The following COG2 variants were observed in gnomAD, a reference collection of about 807,000 sequenced individuals.
COG2 encodes the protein component of oligomeric golgi complex 2, also known as conserved oligomeric Golgi complex subunit 2.
A neutral mutation model predicts 90.6 loss-of-function variants in COG2; 52 were observed. The ratio of observed to expected loss-of-function variants is 0.57; its 90% CI spans 0.46 to 0.72. The LOEUF (loss-of-function observed/expected upper bound fraction) is 0.72, where lower values mean the gene tolerates loss of function less well. COG2 is among the 30% of genes least tolerant of loss of function. COG2 has a pLI of 0.00. For missense variants in COG2, 829 were observed against 891.2 expected (o/e 0.93, Z 0.89); for synonymous variants, 337 against 320.4 (o/e 1.05, Z -0.55).
chr1:230,689,052 C>G (rs1662959589), intron 15 of COG2, among the ~76,000 whole-genome samples: 1 of 152,000 alleles, frequency 6.6e-6, no homozygotes, highest in Non-Finnish European at 1.5e-5. Flanking sequence ...ATAATACATG[C>G]CAAATGTGGT....
In COG2 at chr1:230,690,129, G is replaced by A. The variant is rs1293646057; in HGVS notation, c.1910G>A (p.Gly637Asp). 1.2e-6 allele frequency: 2 copies of A among 1,613,096 alleles called. No homozygotes were observed. The highest frequency in any genetic ancestry group is 1.3e-5 in the African/African-American group (1 of 74,886). Residue 637 changes from glycine to aspartate, a missense_variant, in exon 16 of 18, where the codon GGC becomes GAC. By Grantham distance (94) the Gly-to-Asp change is moderately conservative. Coordinates refer to ENST00000366669, the MANE Select transcript of COG2 (RefSeq NM_007357.3). ...KQAIIQQWLEGTLSESTHKYY... is the reference protein window; with the variant it reads ...KQAIIQQWLEDTLSESTHKYY... ...GCAATAATTCAGCAGTGGCTAGAAG[G>A]CACTCTCAGTGAAAGCACTCATAAG...
At chr1:230,680,000 T>G (rs1304094759) in intron 10 of COG2, 1 of 152,224 alleles carries the variant, frequency 6.6e-6, no homozygotes, top group African/African-American at 2.4e-5. Flanking sequence ...CAGAATGAAG[T>G]AGTAAGGTGC....
At chr1:230,679,898 G>C (rs1298900121) in intron 10 of COG2, 1 of 152,192 alleles carries the variant, frequency 6.6e-6, no homozygotes, top group Non-Finnish European at 1.5e-5. Flanking sequence ...TAATTACAGA[G>C]AGGGAAATCA....
At position 230,642,507 on chromosome 1, in the gene COG2, G is replaced by A. The variant is rs1416258750; in HGVS notation, c.-100G>A. On this transcript the variant is annotated 5_prime_UTR_variant, in exon 1 of 18. Transcript: ENST00000366669. Reference sequence around the variant, plus strand: ...TGTTGGCGGAAGCGGACCCCCCTGTGCCGTGGAAACTGGCGGTGGCCGCGG... The same window carrying A: ...TGTTGGCGGAAGCGGACCCCCCTGTACCGTGGAAACTGGCGGTGGCCGCGG... The A allele has an allele frequency of 1.7e-6, 2 of 1,191,402 alleles. No individual in the cohort carries two copies. Among genetic ancestry groups the A allele is most frequent in the Non-Finnish European group, 1.2e-6 (1 of 827,808 alleles). 73.8% of individuals were successfully genotyped at this position (1,191,402 alleles called of 1,614,324 possible). A position where few individuals can be genotyped will look rare whatever the true frequency, so the allele number is the denominator to read the frequency against.
At chr1:230,645,665 A>G (rs1661752459) in intron 1 of COG2, among the ~76,000 whole-genome samples, 2 of 152,162 alleles carry the variant, frequency 1.3e-5, no homozygotes, top group African/African-American at 4.8e-5. Context: ...TAATTATTAC[A>G]TTGTAATACA....
chr1:230,664,447 C>T, intron 4 of COG2, 37 bp from the exon 5 acceptor site: 3 of 917,882 alleles, frequency 3.3e-6, no homozygotes, highest in Non-Finnish European at 4.9e-6. Context: ...TAAGATTAAA[C>T]ATGACAATAA....
chr1:230,648,063 G>A (rs540506790), intron 1 of COG2, among the ~76,000 whole-genome samples: 60 of 152,312 alleles, frequency 3.9e-4, no homozygotes, highest in Admixed American at 1.1e-3. Context: ...AAATAATCGT[G>A]TCATGCTTTC....
intron 4 of COG2, 99 bp from the exon 5 acceptor site, chr1:230,664,385 T>C (rs1260627497): frequency 4.4e-6 from 2 of 458,608 alleles, no homozygotes; most frequent in East Asian, 7.1e-5. Flanking sequence ...TAATTTTACG[T>C]TGACTTTTGA....
intron 15 of COG2, 39 bp downstream of exon 15, chr1:230,688,601 A>G (rs907500833): frequency 1.2e-6 from 2 of 1,609,534 alleles, no homozygotes; most frequent in Non-Finnish European, 1.7e-6. Context: ...GAGGTGGGGA[A>G]GTGTGTGTTA....
At chr1:230,648,820 C>G (rs145686932) in intron 1 of COG2, among the ~76,000 whole-genome samples, 1 of 152,132 alleles carries the variant, frequency 6.6e-6, no homozygotes, top group African/African-American at 2.4e-5. Context: ...TGGGCTTTCT[C>G]AGGTGTCCCT....
chr1:230,651,107 T>C (rs1372543505), intron 1 of COG2, among the ~76,000 whole-genome samples: 2 of 152,118 alleles, frequency 1.3e-5, no homozygotes, highest in African/African-American at 4.8e-5. Context: ...TCAATGAGAC[T>C]GAACATGTTT....
Position 230,642,619 on chromosome 1 carries a change from A to G in COG2, c.13A>G (p.Arg5Gly), listed in dbSNP as rs1449235135. 6.2e-7 allele frequency: 1 copy of G among 1,612,950 alleles called. No individual in the cohort carries two copies. The highest frequency in any genetic ancestry group is 8.5e-7 in the Non-Finnish European group (1 of 1,179,568). The change falls in exon 1 of 18, where the codon AGG (arginine) becomes GGG (glycine). Residue 5 changes from arginine (R) to glycine (G), a missense_variant. Transcript: ENST00000366669. Reference sequence around the variant, plus strand: ...GGTGGCCGGCGGGATGGAGAAAAGTAGGATGAACCTGCCCAAGGGGCCGGA... The same window carrying G: ...GGTGGCCGGCGGGATGGAGAAAAGTGGGATGAACCTGCCCAAGGGGCCGGA... MEKS[R>G]MNLPKGPDTL...
At chr1:230,651,957 T>C (rs1351783596) in intron 1 of COG2, among the ~76,000 whole-genome samples, 1 of 152,222 alleles carries the variant, frequency 6.6e-6, no homozygotes, top group African/African-American at 2.4e-5. Context: ...TTTCTCCTAG[T>C]AACATCTTGA....
chr1:230,693,195 C>T, intron 17 of COG2, 97 bp from the exon 18 acceptor site: 1 of 694,092 alleles, frequency 1.4e-6, no homozygotes, highest in Non-Finnish European at 2.6e-6. Flanking sequence ...GAACTGTCTT[C>T]TGGTTTAGTA....
intron 5 of COG2, among the ~76,000 whole-genome samples, chr1:230,667,206 C>T (rs139978955): frequency 2.0e-3 from 299 of 152,328 alleles, no homozygotes; most frequent in African/African-American, 6.6e-3. Flanking sequence ...GATAACCAAA[C>T]GTCTCCCACT....
intron 3 of COG2, 27 bp from the exon 4 acceptor site, chr1:230,663,114 A>G (rs771817476): frequency 1.3e-6 from 2 of 1,538,808 alleles, no homozygotes; most frequent in Non-Finnish European, 1.8e-6. Flanking sequence ...CAATCTCTGC[A>G]GTACTTTTTT....
chr1:230,642,522 G>C lies in COG2; in HGVS notation c.-85G>C. The C allele has an allele frequency of 1.4e-6, 2 of 1,383,286 alleles. No individual in the cohort carries two copies. Among genetic ancestry groups the C allele is most frequent in the Non-Finnish European group, 2.0e-6 (2 of 998,498 alleles). The allele number at this position is 1,383,286 out of a possible 1,614,324, so 85.7% of individuals were successfully genotyped here. A position where few individuals can be genotyped will look rare whatever the true frequency, so the allele number is the denominator to read the frequency against. ...ACCCCCCTGTGCCGTGGAAACTGGC[G>C]GTGGCCGCGGCCGCCGAGTCGGTCT... is the stretch of plus-strand genomic sequence containing the variant. On this transcript the variant is annotated 5_prime_UTR_variant, in exon 1 of 18. Transcript: ENST00000366669.
At position 230,675,143 on chromosome 1, in the gene COG2, T is replaced by C. The variant is rs1662557760; in HGVS notation, c.1026+19T>C. On this transcript the variant is annotated intron_variant, in intron 9 of 17. Transcript: ENST00000366669. ...TCATGAGGTATCTCCCCGCCCGTCG[T>C]CTTGATTCTTGAAGATGTTAACCGG... 1 of 1,601,742 alleles carries C rather than the reference T, an allele frequency of 6.2e-7. No homozygotes were observed. Among genetic ancestry groups the C allele is most frequent in the Non-Finnish European group, 8.5e-7 (1 of 1,173,648 alleles).
intron 17 of COG2, 23 bp downstream of exon 17, chr1:230,691,587 C>A: frequency 6.3e-7 from 1 of 1,592,606 alleles, no homozygotes; most frequent in East Asian, 2.2e-5. Flanking sequence ...CCGCCGGCAG[C>A]TCCAGCGAGC....
Sources: allele counts gnomAD v4.1 joint callset (sites outside exome capture counted in the v4.1 genomes callset), GRCh38; gene constraint gnomAD v4.1.1; transcripts MANE v1.5; gene names NCBI Gene and HGNC (gene_info 2026-07-23, HGNC 2026-07-21).